Variants in ASPRV1 observed in about 807,000 individuals in gnomAD.
ASPRV1 encodes the protein retroviral-like aspartic protease 1.
In ASPRV1, 7 loss-of-function variants were observed where a neutral mutation model predicts 11.0. The observed-to-expected ratio is 0.64, with a 90% CI of 0.36 to 1.20. The LOEUF (loss-of-function observed/expected upper bound fraction) is 1.20. ASPRV1 is among the 50% of genes most tolerant of loss of function. The pLI, the probability that ASPRV1 is intolerant of heterozygous loss-of-function variation, is 0.02. For missense variants in ASPRV1, 299 were observed against 320.0 expected (o/e 0.93, Z 0.50); for synonymous variants, 136 against 138.4 (o/e 0.98, Z 0.12).
the ASPRV1 span, among the ~76,000 whole-genome samples, chr2:70,023,336 G>C: frequency 6.6e-6 from 1 of 152,164 alleles, no homozygotes; most frequent in African/African-American, 2.4e-5. Flanking sequence ...TGATTTGCAG[G>C]GGAGGGAAGA....
the ASPRV1 span, among the ~76,000 whole-genome samples, chr2:69,943,960 T>G: frequency 6.6e-6 from 1 of 152,254 alleles, no homozygotes; most frequent in Admixed American, 6.5e-5. Context: ...GCATTGGCAT[T>G]CTGCCTGCAG....
chr2:69,973,521 T>C, the ASPRV1 span, among the ~76,000 whole-genome samples: 14 of 152,208 alleles, frequency 9.2e-5, no homozygotes, highest in Admixed American at 6.5e-4. Context: ...CTAACTTTTT[T>C]ATTTTTTGTA....
chr2:70,076,120 A>T, the ASPRV1 span, among the ~76,000 whole-genome samples: 1 of 152,204 alleles, frequency 6.6e-6, no homozygotes, highest in East Asian at 1.9e-4. Context: ...ATCGAGGCAC[A>T]TGCTACACTG....
the ASPRV1 span, among the ~76,000 whole-genome samples, chr2:70,020,376 T>C: frequency 1.3e-5 from 2 of 152,138 alleles, no homozygotes; most frequent in African/African-American, 4.8e-5. Context: ...GGACAAAATG[T>C]GGTGTATACA....
chr2:70,068,617 A>C, the ASPRV1 span, among the ~76,000 whole-genome samples: 1 of 152,096 alleles, frequency 6.6e-6, no homozygotes, highest in Non-Finnish European at 1.5e-5. Flanking sequence ...ACAAATGAGG[A>C]AAGATGAAGG....
At chr2:70,064,789 C>A in the ASPRV1 span, among the ~76,000 whole-genome samples, 1 of 152,114 alleles carries the variant, frequency 6.6e-6, no homozygotes, top group Non-Finnish European at 1.5e-5. Flanking sequence ...AGGAATACAA[C>A]AATGAATAAA....
the ASPRV1 span, among the ~76,000 whole-genome samples, chr2:70,009,053 G>A: frequency 1.3e-5 from 2 of 152,106 alleles, no homozygotes; most frequent in Admixed American, 1.3e-4. Flanking sequence ...CCATAAATGT[G>A]AGGGCAGAAA....
chr2:70,022,736 A>G, the ASPRV1 span, among the ~76,000 whole-genome samples: 2 of 152,170 alleles, frequency 1.3e-5, no homozygotes, highest in African/African-American at 4.8e-5. Context: ...GGATAAGTTT[A>G]GCATTTTGGT....
the ASPRV1 span, among the ~76,000 whole-genome samples, chr2:69,968,678 T>G: frequency 1.3e-5 from 2 of 152,196 alleles, no homozygotes; most frequent in African/African-American, 4.8e-5. Flanking sequence ...AAGTAAATAA[T>G]AAGTAAGCAA....
At chr2:70,027,198 C>T in the ASPRV1 span, among the ~76,000 whole-genome samples, 2 of 131,958 alleles carry the variant, frequency 1.5e-5, no homozygotes, top group Admixed American at 2.0e-4. Flanking sequence ...GTCCAGGCTG[C>T]AGTAAGCCAA....
chr2:69,966,489 C>T (rs1486937763), upstream of ASPRV1, among the ~76,000 whole-genome samples: 1 of 152,236 alleles, frequency 6.6e-6, no homozygotes, highest in African/African-American at 2.4e-5. Flanking sequence ...CTTCAGGGTC[C>T]CCTCTGCTTA....
At chr2:70,048,428 A>G in the ASPRV1 span, among the ~76,000 whole-genome samples, 4 of 151,986 alleles carry the variant, frequency 2.6e-5, no homozygotes, top group African/African-American at 9.7e-5. Flanking sequence ...AGAAAAAAAA[A>G]AAAGAAAAAA....
chr2:70,023,797 T>C, the ASPRV1 span, among the ~76,000 whole-genome samples: 1 of 152,238 alleles, frequency 6.6e-6, no homozygotes, highest in South Asian at 2.1e-4. Flanking sequence ...GGTCTTTTTA[T>C]AATTGTTTGT....
At chr2:69,959,380 A>C (rs1678008777), downstream of ASPRV1, among the ~76,000 whole-genome samples, 1 of 152,000 alleles carries the variant, frequency 6.6e-6, no homozygotes, top group Non-Finnish European at 1.5e-5. Flanking sequence ...TCTTCTGTGG[A>C]GACTTTTGTC....
At chr2:70,039,416 A>C in the ASPRV1 span, among the ~76,000 whole-genome samples, 1 of 152,210 alleles carries the variant, frequency 6.6e-6, no homozygotes. Context: ...AAGAAATCTG[A>C]AGAAGGAATC....
At chr2:70,014,854 T>C in the ASPRV1 span, among the ~76,000 whole-genome samples, 2 of 128,198 alleles carry the variant, frequency 1.6e-5, no homozygotes, top group South Asian at 2.5e-4. Flanking sequence ...ACCCACAGAA[T>C]GGGAAAAAAC....
the ASPRV1 span, chr2:69,938,201 C>G: frequency 5.6e-6 from 9 of 1,614,206 alleles, no homozygotes; most frequent in Non-Finnish European, 7.6e-6. Flanking sequence ...CATGCAGAGC[C>G]TCGGCAGTGA....
At chr2:70,034,242 C>T in the ASPRV1 span, among the ~76,000 whole-genome samples, 15 of 149,172 alleles carry the variant, frequency 1.0e-4, no homozygotes, top group African/African-American at 2.2e-4. Context: ...TTTTTTGAGA[C>T]GGAGTTTCGC....
chr2:70,016,994 T>C, the ASPRV1 span, among the ~76,000 whole-genome samples: 2 of 152,032 alleles, frequency 1.3e-5, no homozygotes, highest in South Asian at 2.1e-4. Context: ...CCTATGATCA[T>C]CTCAATTTTT....
Sources: allele counts gnomAD v4.1 joint callset (sites outside exome capture counted in the v4.1 genomes callset), GRCh38; gene constraint gnomAD v4.1.1; transcripts MANE v1.5; gene names NCBI Gene and HGNC (gene_info 2026-07-23, HGNC 2026-07-21).